Variants in CMIP observed in about 807,000 individuals in gnomAD.
CMIP encodes c-Maf inducing protein.
A neutral mutation model predicts 97.3 loss-of-function variants in CMIP; 13 were observed. The ratio of observed to expected loss-of-function variants is 0.13; its 90% CI spans 0.09 to 0.21. CMIP has a LOEUF of 0.21. Ranked by LOEUF, CMIP falls within the 10% of genes least tolerant of loss-of-function variation. CMIP has a pLI of 1.00. For missense variants in CMIP, 847 were observed against 1,024.9 expected (o/e 0.83, Z 2.37); for synonymous variants, 538 against 436.3 (o/e 1.23, Z -2.91).
chr16:81,664,645 C>T (rs375978135), intron 7 of CMIP: 8 of 570,992 alleles, frequency 1.4e-5, no homozygotes, highest in African/African-American at 1.3e-4. Context: ...CTGTAGATGC[C>T]CTGCCCTCAA....
At chr16:81,545,845 G>A (rs1392180518) in intron 1 of CMIP, among the ~76,000 whole-genome samples, 1 of 152,162 alleles carries the variant, frequency 6.6e-6, no homozygotes, top group Non-Finnish European at 1.5e-5. Flanking sequence ...GTACAAGTCT[G>A]GGTCTCGGCT....
chr16:81,620,515 C>A (rs2091978592), intron 2 of CMIP: 2 of 239,522 alleles, frequency 8.3e-6, no homozygotes, highest in South Asian at 1.2e-4. Flanking sequence ...CAGCCAGCCC[C>A]CACCATCCTC....
chr16:81,631,740 T>C (rs1320920179), intron 3 of CMIP: 1 of 152,282 alleles, frequency 6.6e-6, no homozygotes, highest in Non-Finnish European at 1.5e-5. Context: ...GTCTTTCCAG[T>C]TTGGGGCTGT....
rs548833580 is a variant in CMIP at position 81,707,724 on chromosome 16, G to T, written c.2268+640G>T. 9.2e-5 allele frequency among the ~76,000 whole-genome samples: 14 copies of T among 152,360 alleles called. No individual in the cohort carries two copies. In the South Asian group the frequency reaches 1.9e-3, roughly 20 times the overall value. The stretch of plus-strand genomic sequence containing the variant: ...TAAGAAACACACGTGCACATCTTGG[G>T]AAGGTTGGAGGAGCCAGGCCCTCAG... On this transcript the variant is annotated intron_variant, in intron 20 of 20. Coordinates refer to ENST00000537098, the MANE Select transcript of CMIP (RefSeq NM_198390.3).
chr16:81,661,188 C>T (rs992567113), intron 6 of CMIP, among the ~76,000 whole-genome samples: 2 of 152,240 alleles, frequency 1.3e-5, no homozygotes, highest in Non-Finnish European at 2.9e-5. Context: ...AATCACTTCC[C>T]GGCTGTCTTA....
At chr16:81,585,723 C>T (rs1310639868) in intron 1 of CMIP, among the ~76,000 whole-genome samples, 1 of 126,700 alleles carries the variant, frequency 7.9e-6, no homozygotes, top group Non-Finnish European at 1.8e-5. Flanking sequence ...AATTCCTTTG[C>T]ATCTGCTGGA....
At chr16:81,526,000 G>C (rs1440417879) in intron 1 of CMIP, among the ~76,000 whole-genome samples, 18 of 6,500 alleles carry the variant, frequency 2.8e-3, no homozygotes, top group Admixed American at 0.019. Flanking sequence ...GTGTGTGTGT[G>C]TGTGTGTCTG....
rs555671107 is a variant in CMIP at position 81,652,005 on chromosome 16, C to A, written c.478-198C>A. ...ATGAGTCTAGTGTCAGGAGGCCTGG[C>A]TGCAAATGCACCCCGTGACTTTGGA... On this transcript the variant is annotated intron_variant, in intron 3 of 20. Transcript: ENST00000537098. This position sits in a 1 kb window ranked among gnomAD's most constrained non-coding sequence, Gnocchi z 5.2. 6.6e-6 allele frequency among the ~76,000 whole-genome samples: 1 copy of A among 152,234 alleles called. No individual in the cohort carries two copies. The highest frequency in any genetic ancestry group is 2.1e-4 in the South Asian group (1 of 4,814).
In CMIP at chr16:81,664,697, G is replaced by A. The variant is rs534648973; in HGVS notation, c.825+348G>A. 1.1e-3 allele frequency: 539 copies of A among 480,242 alleles called. 4 individuals are homozygous for A. In the Middle Eastern group the frequency reaches 0.012, roughly 11 times the overall value. The allele number at this position is 480,242 out of a possible 1,614,324, so 29.7% of individuals were successfully genotyped here. ...TTTGCACTCCTTTAGTGTGTGCTGC[G>A]CACAGCGAGGTCCTTCCAGAGAGCA... On this transcript the variant is annotated intron_variant, in intron 7 of 20. Coordinates refer to ENST00000537098, the MANE Select transcript of CMIP (RefSeq NM_198390.3).
At chr16:81,562,233 G>A (rs1166289073) in intron 1 of CMIP, among the ~76,000 whole-genome samples, 7 of 152,214 alleles carry the variant, frequency 4.6e-5, no homozygotes, top group Admixed American at 2.0e-4. Context: ...GATCTCCTGG[G>A]ACCCTCAGCC....
intron 1 of CMIP, among the ~76,000 whole-genome samples, chr16:81,598,286 A>G (rs2091597682): frequency 6.6e-6 from 1 of 152,206 alleles, no homozygotes; most frequent in African/African-American, 2.4e-5. Flanking sequence ...TATCGCCTAC[A>G]ACAGAGCTGA....
chr16:81,614,930 C>G lies in CMIP; in HGVS notation c.427-5946C>G, dbSNP rs1288895076. On this transcript the variant is annotated intron_variant, in intron 2 of 20. Transcript: ENST00000537098. The surrounding 1 kb of genome is among the most constrained non-coding windows in gnomAD (Gnocchi z 5.3). ...TATATGTGGTGTGCATAGTGTGTAT[C>G]TCTGTGTGTGGTGTGTGCATGTGTG... Among the ~76,000 whole-genome samples, 1 of 147,452 alleles carries G rather than the reference C, an allele frequency of 6.8e-6. No individual in the cohort carries two copies. The highest frequency in any genetic ancestry group is 2.5e-5 in the African/African-American group (1 of 39,564).
chr16:81,521,266 A>T (rs925119595), intron 1 of CMIP, among the ~76,000 whole-genome samples: 5 of 152,102 alleles, frequency 3.3e-5, no homozygotes, highest in Non-Finnish European at 7.3e-5. Context: ...TGCTGAGCGG[A>T]TGGTACTGCA....
chr16:81,671,103 A>G (rs986904125), intron 8 of CMIP, among the ~76,000 whole-genome samples: 6 of 152,220 alleles, frequency 3.9e-5, no homozygotes, highest in Non-Finnish European at 7.3e-5. Context: ...TGCTGGGATT[A>G]TAGGCGTGAA....
chr16:81,662,302 T>C (rs958519196), intron 6 of CMIP, among the ~76,000 whole-genome samples: 14 of 152,252 alleles, frequency 9.2e-5, no homozygotes, highest in Non-Finnish European at 1.8e-4. Context: ...TAGAACAAGA[T>C]ACACTTGCCT....
At chr16:81,610,223 T>G (rs1257939155) in intron 2 of CMIP, 2 of 694,580 alleles carry the variant, frequency 2.9e-6, no homozygotes, top group African/African-American at 1.9e-5. Flanking sequence ...GAATGTCCCT[T>G]TAACCCGGCT....
intron 3 of CMIP, among the ~76,000 whole-genome samples, chr16:81,637,916 T>TG (rs1319647514): frequency 6.6e-6 from 1 of 152,000 alleles, no homozygotes; most frequent in Non-Finnish European, 1.5e-5. Context: ...GTGTCTCACA[T>TG]GGGAAGGGGT....
intron 1 of CMIP, among the ~76,000 whole-genome samples, chr16:81,544,992 C>T (rs887167125): frequency 1.3e-5 from 2 of 152,146 alleles, no homozygotes; most frequent in African/African-American, 4.8e-5. Context: ...ATTTTCATCT[C>T]CTGCCAGTTC....
intron 1 of CMIP, among the ~76,000 whole-genome samples, chr16:81,469,016 G>T (rs531114879): frequency 2.0e-5 from 3 of 152,202 alleles, no homozygotes; most frequent in African/African-American, 4.8e-5. Context: ...TTCCTACTCC[G>T]CTTTGAGAGG....
Sources: allele counts gnomAD v4.1 joint callset (sites outside exome capture counted in the v4.1 genomes callset), GRCh38; gene constraint gnomAD v4.1.1; non-coding constraint Gnocchi (gnomAD v3.1); transcripts MANE v1.5; gene names NCBI Gene and HGNC (gene_info 2026-07-23, HGNC 2026-07-21).